Variants in EPHB2 observed in about 807,000 individuals in gnomAD.
EPHB2 encodes the protein EPH receptor B2.
In EPHB2, 18 loss-of-function variants were observed where a neutral mutation model predicts 96.4. That is an observed-to-expected ratio of 0.19 (90% CI 0.13 to 0.28). EPHB2 has a LOEUF of 0.28. Ranked by LOEUF, EPHB2 falls within the 10% of genes least tolerant of loss-of-function variation. The pLI is 1.00. For synonymous variants in EPHB2, 506 were observed against 534.1 expected, an observed-to-expected ratio of 0.95 and a Z score of 0.72; for missense variants, 989 against 1,355.4, an observed-to-expected ratio of 0.73 and a Z score of 4.25.
intron 1 of EPHB2, among the ~76,000 whole-genome samples, chr1:22,740,918 C>T (rs949193504): frequency 9.2e-5 from 14 of 152,092 alleles, no homozygotes; most frequent in Admixed American, 2.0e-4. Context: ...GGCTGGGGGG[C>T]GGTCCGTGTG....
intron 5 of EPHB2, among the ~76,000 whole-genome samples, chr1:22,873,716 T>G (rs1638747332): frequency 6.6e-6 from 1 of 152,240 alleles, no homozygotes; most frequent in African/African-American, 2.4e-5. Flanking sequence ...CATGTCCTCA[T>G]GGACCAAAAT....
At chr1:22,883,175 C>T (rs1639107296) in intron 6 of EPHB2, among the ~76,000 whole-genome samples, 1 of 152,214 alleles carries the variant, frequency 6.6e-6, no homozygotes, top group South Asian at 2.1e-4. Context: ...GGGTGAGACC[C>T]CTCGCGGGGA....
chr1:22,835,182 C>T (rs569708511), intron 3 of EPHB2, among the ~76,000 whole-genome samples: 28 of 152,216 alleles, frequency 1.8e-4, no homozygotes, highest in African/African-American at 6.7e-4. Flanking sequence ...AGTTCTGAGA[C>T]CAGCCTGGGT....
chr1:22,876,013 G>C (rs571115700), intron 5 of EPHB2, among the ~76,000 whole-genome samples: 1 of 152,318 alleles, frequency 6.6e-6, no homozygotes, highest in East Asian at 1.9e-4. Context: ...GCAGGCAGAG[G>C]GAGGTGGCAG....
At chr1:22,780,744 G>T (rs192973702) in intron 1 of EPHB2, among the ~76,000 whole-genome samples, 1 of 152,194 alleles carries the variant, frequency 6.6e-6, no homozygotes, top group African/African-American at 2.4e-5. Context: ...TTTAGTGGAT[G>T]TAAGACCCTC....
intron 3 of EPHB2, among the ~76,000 whole-genome samples, chr1:22,823,287 G>T (rs902931997): frequency 6.6e-6 from 1 of 152,136 alleles, no homozygotes; most frequent in Non-Finnish European, 1.5e-5. Flanking sequence ...ACTCAACTTG[G>T]GTATCACCTC....
chr1:22,723,717 A>C (rs1051451934), intron 1 of EPHB2, among the ~76,000 whole-genome samples: 1 of 152,242 alleles, frequency 6.6e-6, no homozygotes, highest in African/African-American at 2.4e-5. Flanking sequence ...CACCCTCTTC[A>C]GCTTTAGCTT....
intron 1 of EPHB2, among the ~76,000 whole-genome samples, chr1:22,751,501 A>G (rs531991447): frequency 2.0e-4 from 31 of 152,344 alleles, no homozygotes; most frequent in Non-Finnish European, 3.4e-4. Context: ...TTGTCTTCCA[A>G]GTCTCAACAG....
At chr1:22,756,428 G>C (rs1301759652) in intron 1 of EPHB2, among the ~76,000 whole-genome samples, 2 of 152,088 alleles carry the variant, frequency 1.3e-5, no homozygotes, top group East Asian at 3.9e-4. Context: ...CCTGGGCCCT[G>C]ACCCGGCCCT....
intron 3 of EPHB2, among the ~76,000 whole-genome samples, chr1:22,797,615 C>T (rs1408547634): frequency 6.6e-6 from 1 of 152,158 alleles, no homozygotes; most frequent in Non-Finnish European, 1.5e-5. Context: ...TCCAGACTCA[C>T]TCCACTGTCT....
At chr1:22,777,035 G>A (rs545488781) in intron 1 of EPHB2, among the ~76,000 whole-genome samples, 15 of 152,346 alleles carry the variant, frequency 9.8e-5, no homozygotes, top group African/African-American at 2.9e-4. Context: ...CGAAGCACCC[G>A]TGGCTGCAGA....
At chr1:22,815,854 C>T (rs1476460332) in intron 3 of EPHB2, among the ~76,000 whole-genome samples, 1 of 152,154 alleles carries the variant, frequency 6.6e-6, no homozygotes, top group Non-Finnish European at 1.5e-5. Flanking sequence ...GGAAGTGGAA[C>T]TGACGGCTGT....
intron 3 of EPHB2, among the ~76,000 whole-genome samples, chr1:22,801,529 T>G (rs747575235): frequency 1.3e-5 from 2 of 150,950 alleles, no homozygotes; most frequent in Non-Finnish European, 2.9e-5. Flanking sequence ...TCCAGTGGAC[T>G]CCGGAACCTT....
intron 1 of EPHB2, among the ~76,000 whole-genome samples, chr1:22,759,412 G>C (rs1350399629): frequency 6.6e-6 from 1 of 152,046 alleles, no homozygotes. Context: ...ATGGTGGTCT[G>C]TTTGCCCCGG....
chr1:22,802,686 C>T (rs541521066), intron 3 of EPHB2, among the ~76,000 whole-genome samples: 295 of 152,276 alleles, frequency 1.9e-3, no homozygotes, highest in Non-Finnish European at 3.2e-3. Flanking sequence ...CCTGGACCTC[C>T]TGAGTGATGA....
intron 1 of EPHB2, among the ~76,000 whole-genome samples, chr1:22,760,983 G>A (rs1246382283): frequency 6.6e-6 from 1 of 152,170 alleles, no homozygotes; most frequent in Non-Finnish European, 1.5e-5. Context: ...TCCCAATGTT[G>A]AGCCAGGTGA....
intron 3 of EPHB2, among the ~76,000 whole-genome samples, chr1:22,815,163 A>T (rs1421343078): frequency 1.3e-5 from 2 of 150,912 alleles, no homozygotes; most frequent in East Asian, 3.9e-4. Flanking sequence ...GGCCAAGACC[A>T]CCTCTCTGGC....
chr1:22,849,501 G>T (rs4655130), intron 3 of EPHB2, among the ~76,000 whole-genome samples: 2 of 152,024 alleles, frequency 1.3e-5, no homozygotes, highest in Non-Finnish European at 2.9e-5. Flanking sequence ...TGGAACAACC[G>T]TTGCAGATTT....
rs756268531 is a variant in EPHB2, at chr1:22,865,014, C to T, written c.1105C>T (p.Arg369Trp). 1.6e-5 allele frequency: 26 copies of T among 1,611,972 alleles called. No homozygotes were observed. Among genetic ancestry groups the T allele is most frequent in the Middle Eastern group, 1.7e-4 (1 of 6,056 alleles). ...CATCTGCAAGAGCTGTGGCTCGGGCCGGGGTGCCTGCACCCGCTGCGGGGA... is the reference window on the plus strand; with the variant it reads ...CATCTGCAAGAGCTGTGGCTCGGGCTGGGGTGCCTGCACCCGCTGCGGGGA... The part of the protein sequence containing the change: ...NIICKSCGSG[R>W]GACTRCGDNV... Residue 369 changes from arginine (R) to tryptophan (W), a missense_variant, in exon 5 of 16, where the codon CGG becomes TGG. Physicochemically the swap from Arg to Trp is moderately radical, Grantham distance 101. Transcript: ENST00000374630.
Sources: allele counts gnomAD v4.1 joint callset (sites outside exome capture counted in the v4.1 genomes callset), GRCh38; gene constraint gnomAD v4.1.1; transcripts MANE v1.5; gene names NCBI Gene and HGNC (gene_info 2026-07-23, HGNC 2026-07-21).